Variants in SGCD observed in about 807,000 individuals in gnomAD.
The protein encoded by SGCD is sarcoglycan delta.
In SGCD, 18 loss-of-function variants were observed where a neutral mutation model predicts 36.6. The ratio of observed to expected loss-of-function variants is 0.49; its 90% CI spans 0.34 to 0.73. SGCD has a LOEUF of 0.73. Among genes scored for constraint, SGCD ranks in the 30% least tolerant of loss-of-function variants. SGCD has a pLI of 0.01. For missense variants in SGCD, 387 were observed against 346.7 expected (o/e 1.12, Z -0.92); for synonymous variants, 133 against 130.6 (o/e 1.02, Z -0.12).
chr5:155,860,093 C>A, the SGCD span, among the ~76,000 whole-genome samples: 1 of 152,352 alleles, frequency 6.6e-6, no homozygotes, highest in South Asian at 2.1e-4. Context: ...GAACAATTTA[C>A]TTGAATTGCT....
the SGCD span, among the ~76,000 whole-genome samples, chr5:155,747,393 G>A: frequency 5.3e-5 from 8 of 152,258 alleles, no homozygotes; most frequent in South Asian, 4.2e-4. Flanking sequence ...GAGTGTCACC[G>A]ATTAGCTGGC....
intron 4 of SGCD, among the ~76,000 whole-genome samples, chr5:156,514,873 G>GTT (rs1757090231): frequency 6.6e-6 from 1 of 152,148 alleles, no homozygotes; most frequent in African/African-American, 2.4e-5. Flanking sequence ...GTAAGATAAT[G>GTT]TTTTTTAACT....
At chr5:155,975,271 T>G (rs1758087318) in intron 1 of SGCD, among the ~76,000 whole-genome samples, 1 of 152,148 alleles carries the variant, frequency 6.6e-6, no homozygotes, top group South Asian at 2.1e-4. Context: ...TATTGACAAT[T>G]AGGGTGATTA....
At chr5:156,193,756 C>T (rs1224578765) in intron 3 of SGCD, among the ~76,000 whole-genome samples, 1 of 152,170 alleles carries the variant, frequency 6.6e-6, no homozygotes, top group African/African-American at 2.4e-5. Flanking sequence ...AAATTTCTTC[C>T]TCTGTACCTA....
intron 7 of SGCD, among the ~76,000 whole-genome samples, chr5:156,750,941 G>GAGAT (rs903815270): frequency 3.8e-4 from 58 of 152,250 alleles, no homozygotes; most frequent in African/African-American, 1.4e-3. Flanking sequence ...TAAGTAATTG[G>GAGAT]AGATAGCTAC....
chr5:155,754,261 T>C, the SGCD span, among the ~76,000 whole-genome samples: 2 of 152,246 alleles, frequency 1.3e-5, no homozygotes, highest in Admixed American at 6.5e-5. Context: ...GGGCTTATTG[T>C]GTAAACGAAA....
At chr5:156,481,811 C>G (rs1477656040) in intron 3 of SGCD, among the ~76,000 whole-genome samples, 1 of 152,168 alleles carries the variant, frequency 6.6e-6, no homozygotes, top group Non-Finnish European at 1.5e-5. Flanking sequence ...GGATCAGGGT[C>G]GGAACCCAGG....
intron 1 of SGCD, among the ~76,000 whole-genome samples, chr5:156,058,764 A>G (rs1760127955): frequency 6.8e-6 from 1 of 146,368 alleles, no homozygotes; most frequent in African/African-American, 2.5e-5. Context: ...ATAAAGATAT[A>G]TAATGGAATA....
chr5:156,637,494 A>G (rs1162807103), intron 6 of SGCD, among the ~76,000 whole-genome samples: 2 of 152,140 alleles, frequency 1.3e-5, no homozygotes, highest in African/African-American at 4.8e-5. Flanking sequence ...ATATTCAGAT[A>G]AAAACACTGA....
chr5:155,909,445 A>C (rs1329007379), intron 1 of SGCD, among the ~76,000 whole-genome samples: 1 of 152,136 alleles, frequency 6.6e-6, no homozygotes, highest in African/African-American at 2.4e-5. Flanking sequence ...GCTATTCCAC[A>C]ATGCCTTTAT....
the SGCD span, among the ~76,000 whole-genome samples, chr5:155,765,324 A>AGGAAGGAAG: frequency 6.7e-6 from 1 of 148,848 alleles, no homozygotes; most frequent in East Asian, 2.0e-4. Flanking sequence ...GGAAGGAAGA[A>AGGAAGGAAG]GGAAGGAAGG....
intron 1 of SGCD, among the ~76,000 whole-genome samples, chr5:155,922,743 T>C (rs1756913433): frequency 6.6e-6 from 1 of 152,184 alleles, no homozygotes; most frequent in Admixed American, 6.5e-5. Flanking sequence ...AGTGCATGTA[T>C]TTTGGTGCAA....
In SGCD at chr5:156,719,643, A is replaced by G. The variant is rs1212197028; in HGVS notation, c.576-37938A>G. Among the ~76,000 whole-genome samples the G allele has an allele frequency of 2.0e-5, 3 of 152,204 alleles. No individual in the cohort carries two copies. The East Asian group carries it at 5.8e-4, about 29-fold the overall frequency. On this transcript the variant is annotated intron_variant, in intron 7 of 8. Coordinates refer to ENST00000337851, the MANE Select transcript of SGCD (RefSeq NM_000337.6). ...TCTGTGGTGGATGGTGTTGCACTAT[A>G]CAATAGAAACTTAGGAAACAGCCAG...
At chr5:156,261,919 A>G (rs988074123) in intron 3 of SGCD, among the ~76,000 whole-genome samples, 1 of 152,236 alleles carries the variant, frequency 6.6e-6, no homozygotes, top group East Asian at 1.9e-4. Context: ...GTAAAAATAT[A>G]AAGCAGAAAA....
chr5:156,197,854 A>C (rs1764057043), intron 3 of SGCD, among the ~76,000 whole-genome samples: 1 of 151,988 alleles, frequency 6.6e-6, no homozygotes, highest in Non-Finnish European at 1.5e-5. Flanking sequence ...GTACAATGTG[A>C]TGTTTTGATA....
chr5:156,605,133 T>G (rs1046652337), intron 6 of SGCD, among the ~76,000 whole-genome samples: 8 of 152,140 alleles, frequency 5.3e-5, no homozygotes, highest in African/African-American at 1.7e-4. Flanking sequence ...ATGTGCCATG[T>G]TGGTGTGCTG....
intron 1 of SGCD, among the ~76,000 whole-genome samples, chr5:155,964,844 A>T (rs1757871388): frequency 6.6e-6 from 1 of 152,128 alleles, no homozygotes; most frequent in African/African-American, 2.4e-5. Flanking sequence ...GTATTTGCCC[A>T]GCTCTGCTAC....
rs114224159 is a variant in SGCD at position 156,156,213 on chromosome 5, G to A, written c.-44+32194G>A. Among the ~76,000 whole-genome samples, 1,354 of 151,688 alleles carry A rather than the reference G, an allele frequency of 8.9e-3. 58 individuals are homozygous for A. The highest frequency in any genetic ancestry group is 0.032 in the African/African-American group (1,303 of 41,020). ...TTACGAATATGTGAACCAAGGCCAA[G>A]AGAAGAGAGAGCATTGCAAAGAGTA... On this transcript the variant is annotated intron_variant, in intron 3 of 9. Coordinates refer to the SGCD transcript ENST00000517913.
At chr5:156,245,610 A>G (rs1228625108) in intron 3 of SGCD, among the ~76,000 whole-genome samples, 1 of 152,196 alleles carries the variant, frequency 6.6e-6, no homozygotes, top group East Asian at 1.9e-4. Flanking sequence ...CTTTCAAAAT[A>G]AGGCAGAAAC....
Sources: allele counts gnomAD v4.1 joint callset (sites outside exome capture counted in the v4.1 genomes callset), GRCh38; gene constraint gnomAD v4.1.1; transcripts MANE v1.5; gene names NCBI Gene and HGNC (gene_info 2026-07-23, HGNC 2026-07-21).